Variants in SETBP1 observed in about 807,000 individuals in gnomAD.
The protein encoded by SETBP1 is SET-binding protein.
In SETBP1, 9 loss-of-function variants were observed where a neutral mutation model predicts 101.0. The observed-to-expected ratio is 0.09, with a 90% CI of 0.05 to 0.16. The LOEUF is 0.16. Among genes scored for constraint, SETBP1 ranks in the 10% least tolerant of loss-of-function variants. The pLI is 1.00. For missense variants in SETBP1, 1,858 were observed against 2,033.8 expected (o/e 0.91, Z 1.66); for synonymous variants, 818 against 788.5 (o/e 1.04, Z -0.63).
At chr18:44,773,836 T>TTGTGTGTGTGTGTGTGTGTGTG (rs1280926160) in intron 2 of SETBP1, among the ~76,000 whole-genome samples, 1 of 36,336 alleles carries the variant, frequency 2.8e-5, no homozygotes, top group African/African-American at 1.0e-4. Flanking sequence ...CTCTCTCTGT[T>TTGTGTGTGTGTGTGTGTGTGTG]TATGTGTGTG....
Position 44,794,700 on chromosome 18 carries a change from T to A in SETBP1, c.487-74530T>A, listed in dbSNP as rs377674907. On this transcript the variant is annotated intron_variant, in intron 2 of 5. Coordinates refer to ENST00000649279, the MANE Select transcript of SETBP1 (RefSeq NM_015559.3). ...TAACATATCACCTCATTGTCTAAAG[T>A]CACTCAAATAAACAACAGGAAGATT... Among the ~76,000 whole-genome samples the A allele has an allele frequency of 6.6e-5, 10 of 152,280 alleles. No homozygotes were observed. The East Asian group carries it at 1.5e-3, about 24-fold the overall frequency.
chr18:44,876,443 T>C, intron 3 of SETBP1: 1 of 693,990 alleles, frequency 1.4e-6, no homozygotes, highest in Non-Finnish European at 2.4e-6. Flanking sequence ...TCAGGGCAGT[T>C]TGAAAAATAC....
At chr18:44,993,759 T>A (rs1327123752) in intron 4 of SETBP1, among the ~76,000 whole-genome samples, 1 of 151,922 alleles carries the variant, frequency 6.6e-6, no homozygotes, top group African/African-American at 2.4e-5. Context: ...GTAAGATAAT[T>A]CTATACTCAA....
intron 3 of SETBP1, among the ~76,000 whole-genome samples, chr18:44,905,500 T>C (rs1277733896): frequency 6.6e-6 from 1 of 152,206 alleles, no homozygotes; most frequent in Non-Finnish European, 1.5e-5. Context: ...TGGAATTAAT[T>C]AGTAAATTAA....
intron 3 of SETBP1, among the ~76,000 whole-genome samples, chr18:44,941,078 T>A (rs927726368): frequency 0.12 from 4,771 of 39,514 alleles, 252 homozygotes; most frequent in African/African-American, 0.28. Flanking sequence ...GAAGTCAGAC[T>A]TTTTTTTTTT....
At chr18:45,003,838 T>A (rs1338904012) in intron 4 of SETBP1, among the ~76,000 whole-genome samples, 1 of 152,230 alleles carries the variant, frequency 6.6e-6, no homozygotes, top group East Asian at 1.9e-4. Flanking sequence ...GGGTGACATT[T>A]CTTATCACTG....
intron 3 of SETBP1, among the ~76,000 whole-genome samples, chr18:44,933,803 G>A (rs192060915): frequency 6.2e-4 from 94 of 152,286 alleles, no homozygotes; most frequent in African/African-American, 2.1e-3. Flanking sequence ...TTGGAAAAGC[G>A]CAGTATTAGG....
In SETBP1 at chr18:45,015,230, A is replaced by G. The variant is rs1367580141; in HGVS notation, c.4001-23255A>G. Among the ~76,000 whole-genome samples the G allele has an allele frequency of 3.3e-5, 5 of 152,226 alleles. 1 individual carries two copies. In the East Asian group the frequency reaches 7.7e-4, roughly 23 times the overall value. On this transcript the variant is annotated intron_variant, in intron 4 of 5. Coordinates refer to ENST00000649279, the MANE Select transcript of SETBP1 (RefSeq NM_015559.3). ...GGTACTAGAATAAAATCAACTTCTC[A>G]AAAGTCGTATTTCCACTCTCTACTC... is the stretch of plus-strand genomic sequence containing the variant.
chr18:44,824,578 G>C (rs1156612530), intron 2 of SETBP1, among the ~76,000 whole-genome samples: 1 of 152,120 alleles, frequency 6.6e-6, no homozygotes, highest in Admixed American at 6.6e-5. Context: ...CTATATTTCT[G>C]ACGGTGTAAC....
intron 2 of SETBP1, among the ~76,000 whole-genome samples, chr18:44,822,837 G>C (rs1328842161): frequency 6.6e-6 from 1 of 152,210 alleles, no homozygotes; most frequent in Non-Finnish European, 1.5e-5. Flanking sequence ...AATTACAGTT[G>C]TTTTCAATGG....
At chr18:44,924,272 A>G (rs1279875228) in intron 3 of SETBP1, among the ~76,000 whole-genome samples, 1 of 152,132 alleles carries the variant, frequency 6.6e-6, no homozygotes, top group Non-Finnish European at 1.5e-5. Context: ...CTTCCCTCTG[A>G]TAAACAGGCT....
chr18:44,745,627 C>T (rs1029440870), intron 2 of SETBP1, among the ~76,000 whole-genome samples: 1 of 152,198 alleles, frequency 6.6e-6, no homozygotes, highest in African/African-American at 2.4e-5. Context: ...AAAATACAGC[C>T]AGAAGCAACA....
At chr18:44,972,466 C>T (rs915251086) in intron 4 of SETBP1, among the ~76,000 whole-genome samples, 2 of 152,126 alleles carry the variant, frequency 1.3e-5, no homozygotes, top group African/African-American at 4.8e-5. Flanking sequence ...TTACCTCGGG[C>T]AGTATGGCCA....
chr18:44,964,728 A>G (rs1235579553), intron 4 of SETBP1, among the ~76,000 whole-genome samples: 1 of 152,132 alleles, frequency 6.6e-6, no homozygotes, highest in Non-Finnish European at 1.5e-5. Flanking sequence ...GTAAGCACTC[A>G]CCTGGCTTCC....
Position 44,952,332 on chromosome 18 carries a change from T to C in SETBP1, c.2992T>C (p.Tyr998His), listed in dbSNP as rs747164457. 1 of 1,614,104 alleles carries C rather than the reference T, an allele frequency of 6.2e-7. No homozygotes were observed. The change falls in exon 4 of 6, where the codon TAT becomes CAT. Residue 998 changes from tyrosine to histidine, a missense_variant. This residue lies in a region of SETBP1 where 255 missense variants were observed against 300.1 expected (regional missense o/e 0.85). Transcript: ENST00000649279. ...TTTTGATCACTATTACCCGGTGCCA[T>C]ATATCCAGTATGACCCGTTGCTCTA... is the stretch of plus-strand genomic sequence containing the variant. ...INFDHYYPVP[Y>H]IQYDPLLYLR...
chr18:44,952,012 G>A lies in SETBP1; in HGVS notation c.2672G>A (p.Arg891Lys), dbSNP rs747951038. The change falls in exon 4 of 6, where the codon AGG becomes AAG. Residue 891 changes from arginine (R) to lysine (K), a missense_variant. Transcript: ENST00000649279. ...QAEKSSESRRRYSFDFCSLDN... is the reference protein window; with the variant it reads ...QAEKSSESRRKYSFDFCSLDN... ...GAGAAGAGCTCAGAATCCCGAAGGA[G>A]GTACTCTTTTGATTTCTGCTCCCTG... is the stretch of plus-strand genomic sequence containing the variant. The A allele has an allele frequency of 1.9e-6, 3 of 1,614,038 alleles. No homozygotes were observed.
chr18:44,862,293 A>G (rs930949674), intron 2 of SETBP1, among the ~76,000 whole-genome samples: 2 of 152,254 alleles, frequency 1.3e-5, no homozygotes, highest in Non-Finnish European at 2.9e-5. Context: ...GCTTGGAGTT[A>G]TGTACAAAGT....
At chr18:44,991,493 C>T (rs2145288058) in intron 4 of SETBP1, among the ~76,000 whole-genome samples, 1 of 151,930 alleles carries the variant, frequency 6.6e-6, no homozygotes, top group South Asian at 2.1e-4. Context: ...AAATACCATC[C>T]AAAATAGTCT....
chr18:44,716,882 G>A (rs1043463372), intron 2 of SETBP1, among the ~76,000 whole-genome samples: 4 of 152,152 alleles, frequency 2.6e-5, no homozygotes, highest in African/African-American at 9.7e-5. Flanking sequence ...TTCTTTTGTG[G>A]AACCCCTGAA....
Sources: allele counts gnomAD v4.1 joint callset (sites outside exome capture counted in the v4.1 genomes callset), GRCh38; gene constraint gnomAD v4.1.1; regional missense constraint gnomAD v4.1.1; transcripts MANE v1.5; gene names NCBI Gene and HGNC (gene_info 2026-07-23, HGNC 2026-07-21).